LHFPL3: variants seen among roughly 807,000 people sequenced by gnomAD.
The protein encoded by LHFPL3 is LHFPL tetraspan subfamily member 3.
A neutral mutation model predicts 19.3 loss-of-function variants in LHFPL3; 5 were observed. The ratio of observed to expected loss-of-function variants is 0.26; its 90% confidence interval spans 0.14 to 0.54. LHFPL3 has a LOEUF of 0.54. Ranked by LOEUF, LHFPL3 falls within the 20% of genes least tolerant of loss-of-function variation. LHFPL3 has a pLI of 0.94. For missense variants in LHFPL3, 249 were observed against 307.4 expected (o/e 0.81, Z 1.42); for synonymous variants, 133 against 126.2 (o/e 1.05, Z -0.36).
chr7:104,589,472 G>C (rs550960021), intron 1 of LHFPL3, among the ~76,000 whole-genome samples: 3 of 152,120 alleles, frequency 2.0e-5, no homozygotes, highest in Non-Finnish European at 4.4e-5. Context: ...CAACTTGATC[G>C]TGGTGGATAA....
intron 1 of LHFPL3, among the ~76,000 whole-genome samples, chr7:104,416,116 A>C (rs1188873384): frequency 6.6e-6 from 1 of 152,220 alleles, no homozygotes; most frequent in East Asian, 1.9e-4. Context: ...TCTTAATCCA[A>C]TAGGACCAGT....
intron 1 of LHFPL3, among the ~76,000 whole-genome samples, chr7:104,449,828 C>T (rs2116598454): frequency 6.6e-6 from 1 of 152,258 alleles, no homozygotes; most frequent in African/African-American, 2.4e-5. Flanking sequence ...TCTGAGCTCT[C>T]TTCCCAAAAA....
rs537831852 is a variant in LHFPL3, at chr7:104,605,907, C to A, written c.446-130768C>A. Among the ~76,000 whole-genome samples, 12 of 151,648 alleles carry A rather than the reference C, an allele frequency of 7.9e-5. No individual in the cohort carries two copies. The South Asian group carries it at 2.3e-3, about 29-fold the overall frequency. ...ACAACAAGAAATATTGAAAAGCTAC[C>A]CCGTCTTTTAACAGGCACATATTTT... On this transcript the variant is annotated intron_variant, in intron 1 of 2. Transcript: ENST00000424859.
chr7:104,532,893 T>C (rs1794328866), intron 1 of LHFPL3, among the ~76,000 whole-genome samples: 2 of 152,174 alleles, frequency 1.3e-5, no homozygotes, highest in Admixed American at 6.6e-5. Context: ...AGTTGAGTAA[T>C]TTATGAATTT....
intron 1 of LHFPL3, among the ~76,000 whole-genome samples, chr7:104,463,667 GCAGAGAAAAGCCCCTTATAAAATGAT>G (rs1318351928): frequency 1.3e-5 from 2 of 152,192 alleles, no homozygotes. Flanking sequence ...GAGAGGGAAA[GCAGAGAAAAGCCCCTTATAAAATGAT>G]CAGATATTAT....
chr7:104,543,464 C>T (rs1443580013), intron 1 of LHFPL3, among the ~76,000 whole-genome samples: 14 of 151,952 alleles, frequency 9.2e-5, no homozygotes, highest in East Asian at 3.9e-4. Context: ...CACATGCACA[C>T]GTATATTTAC....
intron 1 of LHFPL3, among the ~76,000 whole-genome samples, chr7:104,528,098 G>A (rs1214248192): frequency 2.6e-5 from 4 of 152,156 alleles, no homozygotes; most frequent in African/African-American, 9.7e-5. Context: ...TAAATTAATA[G>A]CTTCTTAGAC....
intron 1 of LHFPL3, among the ~76,000 whole-genome samples, chr7:104,430,068 A>C (rs1184126195): frequency 6.6e-6 from 1 of 152,062 alleles, no homozygotes; most frequent in East Asian, 1.9e-4. Context: ...TTATTTAGAA[A>C]GCAGGAAAGA....
intron 1 of LHFPL3, among the ~76,000 whole-genome samples, chr7:104,497,328 GA>G (rs1793502336): frequency 8.3e-6 from 1 of 120,636 alleles, no homozygotes; most frequent in Non-Finnish European, 1.8e-5. Flanking sequence ...AAAAAAAAAA[GA>G]AGAAGATTCT....
chr7:104,682,231 C>T (rs970203419), intron 1 of LHFPL3, among the ~76,000 whole-genome samples: 1 of 152,136 alleles, frequency 6.6e-6, no homozygotes, highest in Admixed American at 6.5e-5. Context: ...AAGTGACTCC[C>T]ATGTCCACAC....
intron 1 of LHFPL3, among the ~76,000 whole-genome samples, chr7:104,694,195 A>T (rs1792957583): frequency 6.6e-6 from 1 of 152,216 alleles, no homozygotes; most frequent in Non-Finnish European, 1.5e-5. Flanking sequence ...GCATGCATTC[A>T]CAATGCAGAA....
chr7:104,500,584 T>TA (rs1330485463), intron 1 of LHFPL3, among the ~76,000 whole-genome samples: 2 of 152,200 alleles, frequency 1.3e-5, no homozygotes, highest in Non-Finnish European at 2.9e-5. Context: ...CTCTCCCAGT[T>TA]ACTCTTGGCT....
chr7:104,576,027 AC>A (rs1468953870), intron 1 of LHFPL3, among the ~76,000 whole-genome samples: 1 of 152,106 alleles, frequency 6.6e-6, no homozygotes, highest in Non-Finnish European at 1.5e-5. Context: ...TATCCTTAGA[AC>A]TGCAGTGCCT....
At chr7:104,631,240 T>C (rs1791634835) in intron 1 of LHFPL3, among the ~76,000 whole-genome samples, 1 of 152,178 alleles carries the variant, frequency 6.6e-6, no homozygotes, top group Non-Finnish European at 1.5e-5. Context: ...AATAAATTGA[T>C]AACTGGAATA....
At chr7:104,428,668 T>C (rs1791894153) in intron 1 of LHFPL3, among the ~76,000 whole-genome samples, 1 of 152,230 alleles carries the variant, frequency 6.6e-6, no homozygotes, top group Non-Finnish European at 1.5e-5. Context: ...TTAGAACTAA[T>C]CACTTAGGAT....
rs538821472 is a variant in LHFPL3, at chr7:104,617,512, G to A, written c.446-119163G>A. Among the ~76,000 whole-genome samples, 266 of 152,284 alleles carry A rather than the reference G, an allele frequency of 1.7e-3. 1 individual carries two copies. The highest frequency in any genetic ancestry group is 6.1e-3 in the African/African-American group (254 of 41,566). On this transcript the variant is annotated intron_variant, in intron 1 of 2. Transcript: ENST00000424859. ...TTACATTATTTTGTTTTCGCTAGATGACTTATATTTACATAATGAGAAAAC... is the reference window on the plus strand; with the variant it reads ...TTACATTATTTTGTTTTCGCTAGATAACTTATATTTACATAATGAGAAAAC...
intron 1 of LHFPL3, among the ~76,000 whole-genome samples, chr7:104,654,208 C>T (rs1273318939): frequency 6.6e-6 from 1 of 152,124 alleles, no homozygotes; most frequent in Non-Finnish European, 1.5e-5. Flanking sequence ...TGATATCTGT[C>T]CATGACGTCA....
intron 2 of LHFPL3, among the ~76,000 whole-genome samples, chr7:104,808,668 T>C (rs1169160032): frequency 1.3e-5 from 2 of 152,212 alleles, no homozygotes; most frequent in Non-Finnish European, 2.9e-5. Flanking sequence ...TCCGTTCTAT[T>C]AGTGTGTGAT....
chr7:104,388,153 T>C (rs2188480), intron 1 of LHFPL3, among the ~76,000 whole-genome samples: 26,831 of 152,088 alleles, frequency 0.18, 3,856 homozygotes, highest in African/African-American at 0.39. Flanking sequence ...TTCCATGGGG[T>C]ATATGTACCA....
Sources: allele counts gnomAD v4.1 joint callset (sites outside exome capture counted in the v4.1 genomes callset), GRCh38; gene constraint gnomAD v4.1.1; transcripts MANE v1.5; gene names NCBI Gene and HGNC (gene_info 2026-07-23, HGNC 2026-07-21).